Variants in PDIA6 observed in about 807,000 individuals in gnomAD.
The protein encoded by PDIA6 is protein disulfide-isomerase A6.
A neutral mutation model predicts 58.4 loss-of-function variants in PDIA6; 29 were observed. The observed-to-expected ratio is 0.50, with a 90% confidence interval of 0.37 to 0.68. The LOEUF (loss-of-function observed/expected upper bound fraction) is 0.68, where lower values mean the gene tolerates loss of function less well. Among genes scored for constraint, PDIA6 ranks in the 30% least tolerant of loss-of-function variants. The pLI, the probability that PDIA6 is intolerant of heterozygous loss-of-function variation, is 0.00. For synonymous variants in PDIA6, 192 were observed against 202.6 expected, an observed-to-expected ratio of 0.95 and a Z score of 0.44; for missense variants, 480 against 551.0, an observed-to-expected ratio of 0.87 and a Z score of 1.29.
chr2:10,814,440 C>A (rs1008261741), upstream of PDIA6, among the ~76,000 whole-genome samples: 1 of 152,186 alleles, frequency 6.6e-6, no homozygotes, highest in African/African-American at 2.4e-5. Context: ...GATCGCAGGG[C>A]TGTTTGGGAT....
At chr2:10,802,247 C>T (rs181748388) in intron 2 of PDIA6, among the ~76,000 whole-genome samples, 2 of 152,088 alleles carry the variant, frequency 1.3e-5, no homozygotes, top group African/African-American at 4.8e-5. Flanking sequence ...ATCACTGGCC[C>T]CTCCATTTTC....
At chr2:10,826,480 C>A (rs1043139940) in intron 1 of PDIA6, among the ~76,000 whole-genome samples, 1 of 152,114 alleles carries the variant, frequency 6.6e-6, no homozygotes, top group Non-Finnish European at 1.5e-5. Context: ...CTGCCTCAGC[C>A]TCCCGAGTAG....
intron 2 of PDIA6, among the ~76,000 whole-genome samples, chr2:10,818,720 G>T (rs7588801): frequency 1.8e-4 from 27 of 148,316 alleles, no homozygotes; most frequent in African/African-American, 6.5e-4. Context: ...ATAGGGGTTT[G>T]CCATGTTGGT....
At chr2:10,833,287 C>T (rs1375731314), upstream of PDIA6, among the ~76,000 whole-genome samples, 2 of 152,156 alleles carry the variant, frequency 1.3e-5, no homozygotes, top group Non-Finnish European at 2.9e-5. Context: ...TTTCCCTGTC[C>T]GGTCCCTCTC....
At chr2:10,803,911 G>GTTTTTTTTGTTT (rs1666621420) in intron 1 of PDIA6, among the ~76,000 whole-genome samples, 1 of 117,892 alleles carries the variant, frequency 8.5e-6, no homozygotes, top group Non-Finnish European at 1.8e-5. Context: ...TAGTTTTTGT[G>GTTTTTTTTGTTT]TTTTTTTTTT....
At chr2:10,806,194 C>G (rs925081590) in intron 1 of PDIA6, among the ~76,000 whole-genome samples, 1 of 150,694 alleles carries the variant, frequency 6.6e-6, no homozygotes, top group African/African-American at 2.4e-5. Context: ...ATAGTGAGAC[C>G]CCCTCTCTAA....
At chr2:10,814,403 T>G (rs905356470), upstream of PDIA6, among the ~76,000 whole-genome samples, 1 of 152,098 alleles carries the variant, frequency 6.6e-6, no homozygotes, top group Non-Finnish European at 1.5e-5. Flanking sequence ...CTCCTGAATG[T>G]GAAGGTGCGT....
rs766401605 is a variant in PDIA6 at position 10,791,886 on chromosome 2, G to A, written c.493C>T (p.Leu165=). 3.7e-6 allele frequency: 6 copies of A among 1,613,874 alleles called. No homozygotes were observed. Among genetic ancestry groups the A allele is most frequent in the Non-Finnish European group, 5.1e-6 (6 of 1,179,896 alleles). ...DSSSKKDVIE[L]TDDSFDKNVL... is the part of the protein sequence containing the mutation. ...TTCTTATCAAAGCTGTCGTCTGTCA[G>A]CTCAATCACATCCTTCTTACTTGAA... The change falls in exon 6 of 13, where the codon CTG becomes TTG. Residue 165 remains leucine, a synonymous_variant. Transcript: ENST00000272227.
In PDIA6 at chr2:10,818,313, C is replaced by T. The variant is rs189846400; in HGVS notation, c.34+961G>A. ...AAACAGCTGGACTACAGATGAAAGC[C>T]ACAACACACCTGACTAATTTCTGTA... On this transcript the variant is annotated intron_variant, in intron 2 of 13. Coordinates refer to the PDIA6 transcript ENST00000381611. Among the ~76,000 whole-genome samples the T allele has an allele frequency of 2.0e-5, 3 of 151,500 alleles. 1 individual carries two copies. The East Asian group carries it at 5.8e-4, about 29-fold the overall frequency.
At chr2:10,817,054 A>T (rs1667218116), upstream of PDIA6, among the ~76,000 whole-genome samples, 1 of 151,898 alleles carries the variant, frequency 6.6e-6, no homozygotes. Flanking sequence ...GCAATCCTTC[A>T]CCTTTGCCGT....
At chr2:10,822,020 G>A (rs1327820305) in intron 1 of PDIA6, among the ~76,000 whole-genome samples, 5 of 151,268 alleles carry the variant, frequency 3.3e-5, no homozygotes, top group Non-Finnish European at 7.4e-5. Context: ...GCTTACTACA[G>A]CCTCAACCTC....
chr2:10,835,342 G>A (rs1667810020), upstream of PDIA6, among the ~76,000 whole-genome samples: 1 of 152,026 alleles, frequency 6.6e-6, no homozygotes, highest in South Asian at 2.1e-4. Flanking sequence ...GTCGGGCTCC[G>A]GAGCCCGCCT....
intron 1 of PDIA6, among the ~76,000 whole-genome samples, chr2:10,828,037 C>T (rs1379299899): frequency 6.6e-6 from 1 of 152,002 alleles, no homozygotes; most frequent in Non-Finnish European, 1.5e-5. Context: ...ACACACACAG[C>T]CTTCCCCACT....
intron 8 of PDIA6, 25 bp from the exon 9 acceptor site, chr2:10,789,006 C>A: frequency 1.3e-6 from 2 of 1,578,268 alleles, no homozygotes; most frequent in Non-Finnish European, 1.7e-6. Context: ...AGACAAGGGA[C>A]AATCAGGAGG....
chr2:10,810,465 C>A, intron 1 of PDIA6: 1 of 1,333,930 alleles, frequency 7.5e-7, no homozygotes. Flanking sequence ...TTAGGAATGT[C>A]CTTCCCTTTC....
intron 11 of PDIA6, 46 bp downstream of exon 11, chr2:10,787,235 C>G: frequency 6.4e-7 from 1 of 1,563,080 alleles, no homozygotes; most frequent in South Asian, 1.1e-5. Context: ...TACAACAGAA[C>G]CAAACAAACA....
intron 1 of PDIA6, among the ~76,000 whole-genome samples, chr2:10,810,711 A>G (rs1309037923): frequency 6.6e-6 from 1 of 152,172 alleles, no homozygotes; most frequent in Non-Finnish European, 1.5e-5. Flanking sequence ...TACTACTGAG[A>G]AAGAACAGAC....
chr2:10,800,275 T>G (rs1307828119), intron 2 of PDIA6, among the ~76,000 whole-genome samples: 3 of 152,196 alleles, frequency 2.0e-5, no homozygotes, highest in Non-Finnish European at 4.4e-5. Flanking sequence ...AATCCAAAAC[T>G]TTCTGAGCGA....
chr2:10,790,583 A>G, intron 7 of PDIA6, 136 bp downstream of exon 7: 1 of 638,092 alleles, frequency 1.6e-6, no homozygotes, highest in Non-Finnish European at 2.8e-6. Flanking sequence ...TTATGACAAT[A>G]AAGTGACTTT....
Sources: allele counts gnomAD v4.1 joint callset (sites outside exome capture counted in the v4.1 genomes callset), GRCh38; gene constraint gnomAD v4.1.1; transcripts MANE v1.5; gene names NCBI Gene and HGNC (gene_info 2026-07-23, HGNC 2026-07-21).